SEMA3A: variants seen among roughly 807,000 people sequenced by gnomAD.
The protein encoded by SEMA3A is semaphorin 3A, also known as semaphorin-3A.
In SEMA3A, 29 loss-of-function variants were observed where a neutral mutation model predicts 97.9. That is an observed-to-expected ratio of 0.30 (90% CI 0.22 to 0.40). The LOEUF is 0.40. Ranked by LOEUF, SEMA3A falls within the 10% of genes least tolerant of loss-of-function variation. The pLI, the probability that SEMA3A is intolerant of heterozygous loss-of-function variation, is 1.00. For missense variants in SEMA3A, 763 were observed against 951.3 expected (o/e 0.80, Z 2.60); for synonymous variants, 321 against 323.7 (o/e 0.99, Z 0.09).
intron 2 of SEMA3A, among the ~76,000 whole-genome samples, chr7:84,312,895 T>C (rs1801368657): frequency 1.7e-5 from 1 of 60,056 alleles, no homozygotes; most frequent in Non-Finnish European, 3.8e-5. Context: ...TATATATATA[T>C]ATATATATAT....
chr7:84,432,274 T>C (rs1334649596), intron 1 of SEMA3A, among the ~76,000 whole-genome samples: 1 of 152,162 alleles, frequency 6.6e-6, no homozygotes, highest in East Asian at 1.9e-4. Flanking sequence ...AGATAAATAT[T>C]CCATTTCCAG....
At chr7:84,182,612 C>T (rs1465311539) in intron 1 of SEMA3A, among the ~76,000 whole-genome samples, 2 of 152,082 alleles carry the variant, frequency 1.3e-5, no homozygotes, top group Non-Finnish European at 2.9e-5. Context: ...ACATTAACTT[C>T]ATGTACACAC....
At chr7:84,191,856 G>T (rs1236513543) in intron 1 of SEMA3A, among the ~76,000 whole-genome samples, 5 of 151,758 alleles carry the variant, frequency 3.3e-5, no homozygotes, top group African/African-American at 1.2e-4. Flanking sequence ...TTCTCCAGAT[G>T]GTCCTGAACA....
At chr7:84,103,720 C>T (rs973606805) in intron 4 of SEMA3A, among the ~76,000 whole-genome samples, 1 of 150,806 alleles carries the variant, frequency 6.6e-6, no homozygotes, top group Non-Finnish European at 1.5e-5. Context: ...CACAAGGAGA[C>T]AAAGAGGTAA....
At chr7:84,450,076 C>A (rs1805517927) in intron 1 of SEMA3A, among the ~76,000 whole-genome samples, 1 of 152,226 alleles carries the variant, frequency 6.6e-6, no homozygotes, top group Admixed American at 6.5e-5. Flanking sequence ...ATTCTGACTT[C>A]AATTCTTTTG....
chr7:84,347,157 C>T (rs1314718455), intron 2 of SEMA3A, among the ~76,000 whole-genome samples: 1 of 152,086 alleles, frequency 6.6e-6, no homozygotes, highest in Non-Finnish European at 1.5e-5. Context: ...ACACAGATTG[C>T]CTCATACCCA....
At chr7:84,437,606 A>C (rs1415161767) in intron 1 of SEMA3A, among the ~76,000 whole-genome samples, 1 of 151,740 alleles carries the variant, frequency 6.6e-6, no homozygotes, top group African/African-American at 2.4e-5. Flanking sequence ...AGCTGCTTTA[A>C]AGAAAAACAT....
intron 1 of SEMA3A, among the ~76,000 whole-genome samples, chr7:84,377,717 A>C (rs1803142500): frequency 6.6e-6 from 1 of 152,178 alleles, no homozygotes; most frequent in African/African-American, 2.4e-5. Flanking sequence ...GATAGATAAT[A>C]AGCTTAGATT....
At chr7:84,151,492 G>A (rs1216624536) in intron 1 of SEMA3A, among the ~76,000 whole-genome samples, 6 of 152,020 alleles carry the variant, frequency 3.9e-5, no homozygotes, top group South Asian at 2.1e-4. Flanking sequence ...GGGTATCAGC[G>A]ATGGAAGATG....
intron 1 of SEMA3A, among the ~76,000 whole-genome samples, chr7:84,425,666 A>C (rs1434090692): frequency 6.7e-6 from 1 of 148,382 alleles, no homozygotes; most frequent in Non-Finnish European, 1.5e-5. Flanking sequence ...CTGGTTGTTA[A>C]AACTTTATAT....
intron 5 of SEMA3A, among the ~76,000 whole-genome samples, chr7:84,056,785 T>C (rs1323409136): frequency 6.6e-6 from 1 of 152,206 alleles, no homozygotes; most frequent in Non-Finnish European, 1.5e-5. Flanking sequence ...ACAGTTTATA[T>C]GTCTACATGG....
intron 12 of SEMA3A, among the ~76,000 whole-genome samples, chr7:83,996,319 T>C (rs1266189913): frequency 6.7e-6 from 1 of 149,082 alleles, no homozygotes; most frequent in Non-Finnish European, 1.5e-5. Flanking sequence ...TTTTTTTTTT[T>C]TGAGATGTAG....
chr7:83,980,671 TATAC>T (rs1713828501), intron 14 of SEMA3A, among the ~76,000 whole-genome samples: 1 of 144,528 alleles, frequency 6.9e-6, no homozygotes, highest in Non-Finnish European at 1.5e-5. Flanking sequence ...TATATACACA[TATAC>T]ATATAGATAT....
chr7:84,422,854 T>A (rs1804637774), intron 1 of SEMA3A, among the ~76,000 whole-genome samples: 1 of 152,028 alleles, frequency 6.6e-6, no homozygotes, highest in African/African-American at 2.4e-5. Flanking sequence ...ATTTAGAATG[T>A]CAATTGTAAT....
chr7:84,368,150 G>A (rs1802896263), intron 2 of SEMA3A, among the ~76,000 whole-genome samples: 1 of 151,016 alleles, frequency 6.6e-6, no homozygotes, highest in Admixed American at 6.6e-5. Context: ...TCTAAAAATA[G>A]GTTATAAGCT....
At chr7:84,290,900 A>G (rs112036258) in intron 3 of SEMA3A, among the ~76,000 whole-genome samples, 159 of 152,098 alleles carry the variant, frequency 1.0e-3, no homozygotes, top group African/African-American at 3.7e-3. Context: ...ATCTTAAAGC[A>G]TTATTTGTCT....
intron 3 of SEMA3A, chr7:84,306,592 T>G (rs2115846197): frequency 6.6e-6 from 1 of 152,242 alleles, no homozygotes; most frequent in African/African-American, 2.4e-5. Context: ...CTTTATACAA[T>G]GAAATGAATC....
At chr7:84,377,514 A>G (rs116078974) in intron 1 of SEMA3A, among the ~76,000 whole-genome samples, 2 of 152,246 alleles carry the variant, frequency 1.3e-5, no homozygotes, top group African/African-American at 4.8e-5. Context: ...GCTTTGTAGT[A>G]AATTTTGAAG....
chr7:84,096,851 A>T (rs1360736502), intron 4 of SEMA3A, among the ~76,000 whole-genome samples: 1 of 145,464 alleles, frequency 6.9e-6, no homozygotes, highest in Non-Finnish European at 1.5e-5. Flanking sequence ...CATTTTTCCC[A>T]TTCTGTTAGA....
Sources: gnomAD v4.1 joint callset for allele counts (sites outside exome capture counted in the v4.1 genomes callset) on GRCh38, gnomAD v4.1.1 for gene constraint, MANE v1.5 for transcripts, NCBI Gene and HGNC (gene_info 2026-07-23, HGNC 2026-07-21) for gene names.